The following GLP2R variants were observed in gnomAD, a reference collection of about 807,000 sequenced individuals.
The protein encoded by GLP2R is glucagon-like peptide 2 receptor.
GLP2R carries 59 observed loss-of-function variants against 68.2 expected under a neutral mutation model. The ratio of observed to expected loss-of-function variants is 0.87; its 90% confidence interval spans 0.70 to 1.07. GLP2R has a LOEUF of 1.07. Among genes scored for constraint, GLP2R ranks in the 50% least tolerant of loss-of-function variants. The pLI, the probability that GLP2R is intolerant of heterozygous loss-of-function variation, is 0.00. For missense variants in GLP2R, 548 were observed against 677.4 expected, an observed-to-expected ratio of 0.81 and a Z score of 2.12; for synonymous variants, 270 against 265.4, an observed-to-expected ratio of 1.02 and a Z score of -0.17.
chr17:9,885,188 C>T (rs199577463), intron 11 of GLP2R, among the ~76,000 whole-genome samples: 1 of 111,638 alleles, frequency 9.0e-6, no homozygotes, highest in Non-Finnish European at 1.9e-5. Flanking sequence ...ATTATTATTA[C>T]CATTATCATT....
intron 4 of GLP2R, among the ~76,000 whole-genome samples, chr17:9,852,048 GT>G (rs1005336123): frequency 1.7e-4 from 19 of 109,444 alleles, no homozygotes; most frequent in East Asian, 1.2e-3. Flanking sequence ...TATAGCATTT[GT>G]TTTTTTTTTT....
intron 10 of GLP2R, among the ~76,000 whole-genome samples, chr17:9,876,409 G>T (rs2067142842): frequency 2.0e-5 from 3 of 152,330 alleles, no homozygotes; most frequent in Admixed American, 2.0e-4. Context: ...TCAAACTTGT[G>T]TATTTTTATG....
rs2067292226 is a variant in GLP2R, at chr17:9,891,723, T to C, written c.*2018T>C. 6 of 152,216 alleles carry C rather than the reference T, an allele frequency of 3.9e-5. No individual in the cohort carries two copies. In the South Asian group the frequency reaches 1.2e-3, roughly 31 times the overall value. The allele number at this position is 152,216 out of a possible 1,614,324, so 9.4% of individuals were successfully genotyped here. On this transcript the variant is annotated 3_prime_UTR_variant, in exon 13 of 13. Transcript: ENST00000262441. ...TGAAGCAAAGGTTTATTTTTTGGTG[T>C]CCAGATTATCCATAGCTCAGTCATG...
intron 12 of GLP2R, among the ~76,000 whole-genome samples, chr17:9,889,107 A>G (rs1326706373): frequency 6.6e-6 from 1 of 152,178 alleles, no homozygotes; most frequent in Non-Finnish European, 1.5e-5. Context: ...AGCAGGTTTC[A>G]GCTCACATGC....
At position 9,853,311 on chromosome 17, in the gene GLP2R, G is replaced by T. The variant is rs114599690; in HGVS notation, c.505-1184G>T. Reference sequence around the variant, plus strand: ...TCCATCTCCATCGAGTCCTCCATGGGGTGGTGGCACGTACTTAGGTGGGAG... The same window carrying T: ...TCCATCTCCATCGAGTCCTCCATGGTGTGGTGGCACGTACTTAGGTGGGAG... On this transcript the variant is annotated intron_variant, in intron 4 of 12. Transcript: ENST00000262441. 687 of 245,436 alleles carry T rather than the reference G, an allele frequency of 2.8e-3. 7 individuals carry two copies. Among genetic ancestry groups the T allele is most frequent in the African/African-American group, 0.014 (612 of 43,900 alleles). The allele number at this position is 245,436 out of a possible 1,614,324, so 15.2% of individuals were successfully genotyped here.
At chr17:9,839,931 TCAGACCTCTCCCCTCAACTA>T (rs2152032851) in intron 3 of GLP2R, among the ~76,000 whole-genome samples, 1 of 150,866 alleles carries the variant, frequency 6.6e-6, no homozygotes, top group African/African-American at 2.4e-5. Context: ...AGAAGATTTC[TCAGACCTCTCCCCTCAACTA>T]CAGACCTCTC....
At chr17:9,834,021 A>G (rs767476386) in intron 2 of GLP2R, 127 bp downstream of exon 2, 7 of 727,332 alleles carry the variant, frequency 9.6e-6, no homozygotes, top group East Asian at 2.7e-5. Context: ...GACAGGGCAC[A>G]CTGGGGATGG....
At chr17:9,874,516 AGGTACCTT>A (rs1006837760) in intron 10 of GLP2R, among the ~76,000 whole-genome samples, 1 of 152,086 alleles carries the variant, frequency 6.6e-6, no homozygotes, top group African/African-American at 2.4e-5. Flanking sequence ...ATAATAAAAG[AGGTACCTT>A]GGTGTGTGTC....
intron 9 of GLP2R, 69 bp downstream of exon 9, chr17:9,862,159 C>T (rs1236195010): frequency 2.1e-5 from 23 of 1,103,592 alleles, no homozygotes; most frequent in African/African-American, 4.6e-5. Context: ...CCGCCCCACC[C>T]GACTTCTGTC....
At chr17:9,869,729 AAGAG>A (rs144426970) in intron 9 of GLP2R, among the ~76,000 whole-genome samples, 1 of 151,428 alleles carries the variant, frequency 6.6e-6, no homozygotes, top group Admixed American at 6.6e-5. Context: ...TGAGAAACCT[AAGAG>A]AGAGAGAGAG....
At chr17:9,834,128 T>C (rs1448257310) in intron 2 of GLP2R, among the ~76,000 whole-genome samples, 3 of 152,154 alleles carry the variant, frequency 2.0e-5, no homozygotes. Context: ...GTGGGGTCTC[T>C]AAGGGCCTGC....
At chr17:9,884,511 C>CTTATA (rs2067224831) in intron 11 of GLP2R, among the ~76,000 whole-genome samples, 1 of 152,148 alleles carries the variant, frequency 6.6e-6, no homozygotes, top group Non-Finnish European at 1.5e-5. Flanking sequence ...ACACCAAGTT[C>CTTATA]CCTATACCAG....
intron 2 of GLP2R, among the ~76,000 whole-genome samples, chr17:9,835,052 C>G (rs992981313): frequency 1.8e-5 from 2 of 108,588 alleles, no homozygotes; most frequent in Admixed American, 1.3e-4. Flanking sequence ...TTTTTTGAGA[C>G]AGAGTCTCAC....
At chr17:9,859,447 T>C (rs1425876093) in intron 6 of GLP2R, among the ~76,000 whole-genome samples, 1 of 151,926 alleles carries the variant, frequency 6.6e-6, no homozygotes, top group Non-Finnish European at 1.5e-5. Flanking sequence ...TATTTTGATA[T>C]TATTGCCAAC....
chr17:9,831,541 G>C (rs1416734339), intron 1 of GLP2R, among the ~76,000 whole-genome samples: 2 of 152,178 alleles, frequency 1.3e-5, no homozygotes, highest in East Asian at 3.9e-4. Flanking sequence ...GGGTCTCTAG[G>C]CTTGAGTTGG....
chr17:9,829,973 G>C (rs913392048), intron 1 of GLP2R, among the ~76,000 whole-genome samples: 2 of 152,202 alleles, frequency 1.3e-5, no homozygotes, highest in Admixed American at 1.3e-4. Flanking sequence ...CTATGCAAGG[G>C]AAAAGGAATC....
intron 11 of GLP2R, among the ~76,000 whole-genome samples, chr17:9,882,918 A>G (rs757612579): frequency 2.0e-5 from 3 of 151,224 alleles, no homozygotes; most frequent in Non-Finnish European, 4.4e-5. Flanking sequence ...ATAATATATT[A>G]TCTAAAACTT....
At chr17:9,883,579 C>A (rs935537335) in intron 11 of GLP2R, among the ~76,000 whole-genome samples, 13 of 151,832 alleles carry the variant, frequency 8.6e-5, no homozygotes, top group Non-Finnish European at 1.6e-4. Context: ...AGTTGAAAGC[C>A]AAAAATGAAG....
chr17:9,880,110 A>G (rs1182579274), intron 10 of GLP2R, among the ~76,000 whole-genome samples: 1 of 152,244 alleles, frequency 6.6e-6, no homozygotes, highest in African/African-American at 2.4e-5. Flanking sequence ...TAAGAGCTAC[A>G]GACATATGAC....
Sources: gnomAD v4.1 joint callset for allele counts (sites outside exome capture counted in the v4.1 genomes callset) on GRCh38, gnomAD v4.1.1 for gene constraint, MANE v1.5 for transcripts, NCBI Gene and HGNC (gene_info 2026-07-23, HGNC 2026-07-21) for gene names.